The following SLC25A12 variants were observed in gnomAD, a reference collection of about 807,000 sequenced individuals.
The protein encoded by SLC25A12 is solute carrier family 25 member 12.
A neutral mutation model predicts 83.3 loss-of-function variants in SLC25A12; 32 were observed. That is an observed-to-expected ratio of 0.38 (90% CI 0.29 to 0.52). The LOEUF is 0.52. Among genes scored for constraint, SLC25A12 ranks in the 20% least tolerant of loss-of-function variants. The pLI is 0.84. For synonymous variants in SLC25A12, 267 were observed against 291.1 expected (o/e 0.92, Z 0.84); for missense variants, 611 against 835.6 (o/e 0.73, Z 3.31).
chr2:171,891,340 G>A (rs960191711), intron 2 of SLC25A12, among the ~76,000 whole-genome samples: 4 of 150,142 alleles, frequency 2.7e-5, no homozygotes, highest in African/African-American at 2.4e-5. Flanking sequence ...GACAGTCCTC[G>A]CCATTCTCCT....
intron 15 of SLC25A12, chr2:171,788,792 C>T (rs1690537172): frequency 1.3e-5 from 2 of 152,240 alleles, no homozygotes; most frequent in African/African-American, 4.8e-5. Context: ...GGGAATAATG[C>T]AAATACTTCC....
At chr2:171,793,270 A>C (rs1426867790) in intron 14 of SLC25A12, among the ~76,000 whole-genome samples, 1 of 152,164 alleles carries the variant, frequency 6.6e-6, no homozygotes, top group Non-Finnish European at 1.5e-5. Context: ...CAATAGAGAT[A>C]ATCAGACCGA....
In SLC25A12 at chr2:171,840,308, C is replaced by T. The variant is rs114832749; in HGVS notation, c.466-3041G>A. 5.9e-3 allele frequency among the ~76,000 whole-genome samples: 895 copies of T among 151,940 alleles called. 5 individuals carry two copies. Among genetic ancestry groups the T allele is most frequent in the Non-Finnish European group, 9.9e-3 (671 of 67,958 alleles). On this transcript the variant is annotated intron_variant, in intron 5 of 17. Coordinates refer to ENST00000422440, the MANE Select transcript of SLC25A12 (RefSeq NM_003705.5). ...GCCGAGGTGAAAGGATCCCTGGAAC[C>T]TGGGGAAGTCAAGGCTACAGTGAGC...
chr2:171,816,526 TG>T (rs1418380999), intron 9 of SLC25A12, among the ~76,000 whole-genome samples: 2 of 152,186 alleles, frequency 1.3e-5, no homozygotes, highest in Non-Finnish European at 2.9e-5. Flanking sequence ...GTAAATAAGA[TG>T]TAAATAGTTG....
At chr2:171,871,764 T>C (rs1685462169) in intron 2 of SLC25A12, 1 of 983,876 alleles carries the variant, frequency 1.0e-6, no homozygotes, top group Non-Finnish European at 1.2e-6. Flanking sequence ...TTAGTATTGT[T>C]CCATGGCTTG....
At chr2:171,836,167 T>C (rs1684552278) in intron 6 of SLC25A12, among the ~76,000 whole-genome samples, 1 of 144,648 alleles carries the variant, frequency 6.9e-6, no homozygotes, top group Non-Finnish European at 1.6e-5. Context: ...TGGGGGATGG[T>C]GTCAAGGAGG....
At chr2:171,809,505 C>T in intron 13 of SLC25A12, 101 bp downstream of exon 13, 1 of 899,630 alleles carries the variant, frequency 1.1e-6, no homozygotes, top group Non-Finnish European at 1.9e-6. Flanking sequence ...GCTTAGAATC[C>T]CTTGAGTTCA....
Position 171,893,253 on chromosome 2 carries a change from C to T in SLC25A12, c.18G>A (p.Gln6=), listed in dbSNP as rs375251278. The part of the protein sequence containing the change: MAVKV[Q]TTKRGDPHEL... ...CATGAGGATCCCCTCGCTTAGTTGTCTGCACCTGTAAGCAAAAAAGAAAAA... is the reference window on the plus strand; with the variant it reads ...CATGAGGATCCCCTCGCTTAGTTGTTTGCACCTGTAAGCAAAAAAGAAAAA... The change falls in exon 2 of 18, where the codon CAG becomes CAA. Residue 6 remains glutamine (Q), a synonymous_variant. Transcript: ENST00000422440. 6.2e-7 allele frequency: 1 copy of T among 1,613,906 alleles called. No individual in the cohort carries two copies. The highest frequency in any genetic ancestry group is 8.5e-7 in the Non-Finnish European group (1 of 1,179,968).
chr2:171,810,155 T>A, intron 12 of SLC25A12, 69 bp downstream of exon 12: 1 of 1,408,826 alleles, frequency 7.1e-7, no homozygotes, highest in East Asian at 2.3e-5. Context: ...ACGCCTAGCC[T>A]TGATTTTAGC....
intron 2 of SLC25A12, among the ~76,000 whole-genome samples, chr2:171,879,705 T>C (rs1312153540): frequency 4.6e-5 from 7 of 152,208 alleles, no homozygotes; most frequent in Admixed American, 3.3e-4. Context: ...AGCATATATA[T>C]GTATAAGCTT....
intron 13 of SLC25A12, among the ~76,000 whole-genome samples, chr2:171,796,407 TAATC>T (rs1463076541): frequency 1.1e-4 from 17 of 152,178 alleles, no homozygotes; most frequent in East Asian, 3.8e-4. Flanking sequence ...AGAGTGCAAA[TAATC>T]AATGACACTA....
chr2:171,861,774 C>T (rs1293620579), intron 3 of SLC25A12, among the ~76,000 whole-genome samples: 2 of 152,028 alleles, frequency 1.3e-5, no homozygotes, highest in Non-Finnish European at 2.9e-5. Flanking sequence ...TAGAAGGGCC[C>T]AATCAAGACT....
At position 171,806,197 on chromosome 2, in the gene SLC25A12, C is replaced by T. The variant is rs1285375277; in HGVS notation, c.1305+3409G>A. 8.5e-5 allele frequency among the ~76,000 whole-genome samples: 13 copies of T among 152,174 alleles called. 1 individual carries two copies. The highest frequency in any genetic ancestry group is 2.1e-4 in the South Asian group (1 of 4,830). ...CATAAAGACCGGGTGTGGTGGCTCA[C>T]GCCCGTAATCCCAGCACTTTGGGAG... On this transcript the variant is annotated intron_variant, in intron 13 of 17. Transcript: ENST00000422440.
chr2:171,869,260 C>G (rs866882953), intron 2 of SLC25A12, among the ~76,000 whole-genome samples: 3 of 152,140 alleles, frequency 2.0e-5, no homozygotes, highest in South Asian at 2.1e-4. Context: ...ATAGTGGTAA[C>G]ATCATACAAC....
intron 13 of SLC25A12, among the ~76,000 whole-genome samples, chr2:171,796,521 A>G (rs1328482175): frequency 1.3e-5 from 2 of 152,206 alleles, no homozygotes; most frequent in Admixed American, 6.5e-5. Flanking sequence ...ATTAACATAC[A>G]AGCCAAGTGC....
At chr2:171,867,918 C>T (rs534659963) in intron 3 of SLC25A12, among the ~76,000 whole-genome samples, 138 of 152,314 alleles carry the variant, frequency 9.1e-4, no homozygotes, top group African/African-American at 3.1e-3. Flanking sequence ...AATCTCGGCG[C>T]ACTGCAAGCT....
intron 8 of SLC25A12, among the ~76,000 whole-genome samples, chr2:171,831,885 C>G (rs1274680164): frequency 7.7e-6 from 1 of 129,128 alleles, no homozygotes; most frequent in Non-Finnish European, 1.7e-5. Context: ...GGCAACAGAG[C>G]AAGACTCTGT....
chr2:171,793,765 A>C lies in SLC25A12; in HGVS notation c.1308T>G (p.Ala436=). The C allele has an allele frequency of 6.2e-7, 1 of 1,614,212 alleles. No homozygotes were observed. Among genetic ancestry groups the C allele is most frequent in the South Asian group, 1.1e-5 (1 of 91,082 alleles). Residue 436 remains alanine (A), a splice_region_variant and synonymous_variant, in exon 14 of 18, where the codon GCT becomes GCG. Transcript: ENST00000422440. ...LPAEVLAGGC[A]GGSQVIFTNP... is the part of the protein sequence containing the mutation. Reference sequence around the variant, plus strand: ...TGGTAAAAATGACCTGAGAGCCTCCAGCCTGTAGGCAAGGGAGAAGAGACA... The same window carrying C: ...TGGTAAAAATGACCTGAGAGCCTCCCGCCTGTAGGCAAGGGAGAAGAGACA...
intron 5 of SLC25A12, among the ~76,000 whole-genome samples, chr2:171,837,940 AACTATTGG>A (rs1235912975): frequency 1.1e-4 from 16 of 152,172 alleles, no homozygotes; most frequent in Non-Finnish European, 2.4e-4. Context: ...TGAACTTTTG[AACTATTGG>A]GCAACCAAAC....
Sources: allele counts gnomAD v4.1 joint callset (sites outside exome capture counted in the v4.1 genomes callset), GRCh38; gene constraint gnomAD v4.1.1; transcripts MANE v1.5; gene names NCBI Gene and HGNC (gene_info 2026-07-23, HGNC 2026-07-21).